The following MGAT4A variants were observed in gnomAD, a reference collection of about 807,000 sequenced individuals.
MGAT4A encodes the protein alpha-1,3-mannosyl-glycoprotein 4-beta-N-acetylglucosaminyltransferase A.
MGAT4A carries 33 observed loss-of-function variants against 74.1 expected under a neutral mutation model. The ratio of observed to expected loss-of-function variants is 0.45; its 90% CI spans 0.34 to 0.60. The LOEUF is 0.60. MGAT4A is among the 20% of genes least tolerant of loss of function. The pLI, the probability that MGAT4A is intolerant of heterozygous loss-of-function variation, is 0.02. For missense variants in MGAT4A, 479 were observed against 628.3 expected (o/e 0.76, Z 2.54); for synonymous variants, 198 against 210.4 (o/e 0.94, Z 0.51).
At chr2:98,637,317 A>AAAT (rs900091912) in intron 12 of MGAT4A, among the ~76,000 whole-genome samples, 11 of 151,244 alleles carry the variant, frequency 7.3e-5, no homozygotes, top group South Asian at 4.2e-4. Flanking sequence ...ACTCATCTCT[A>AAAT]AATAATAATA....
At position 98,718,418 on chromosome 2, in the gene MGAT4A, C is replaced by T. The variant is rs183540022; in HGVS notation, c.94+7821G>A. On this transcript the variant is annotated intron_variant, in intron 2 of 15. Transcript: ENST00000393487. Reference sequence around the variant, plus strand: ...TTGTTTTAAAAACCTCTTAACAGGACCTGAAAACTGTCTCAAGGACAAATA... The same window carrying T: ...TTGTTTTAAAAACCTCTTAACAGGATCTGAAAACTGTCTCAAGGACAAATA... Among the ~76,000 whole-genome samples the T allele has an allele frequency of 6.4e-3, 974 of 152,298 alleles. 15 individuals are homozygous for T. The highest frequency in any genetic ancestry group is 6.1e-3 in the Non-Finnish European group (416 of 68,028).
intron 5 of MGAT4A, among the ~76,000 whole-genome samples, chr2:98,659,589 A>C (rs905739069): frequency 3.3e-5 from 5 of 152,208 alleles, no homozygotes; most frequent in Non-Finnish European, 7.3e-5. Context: ...TAACTGAATC[A>C]TGGGGGCAGT....
intron 2 of MGAT4A, among the ~76,000 whole-genome samples, chr2:98,706,016 G>T (rs1375364551): frequency 6.7e-6 from 1 of 150,224 alleles, no homozygotes; most frequent in Non-Finnish European, 1.5e-5. Context: ...ACACAGCTCA[G>T]TGTGCCCAAA....
intron 2 of MGAT4A, among the ~76,000 whole-genome samples, chr2:98,698,658 C>A (rs1049082532): frequency 1.3e-5 from 2 of 152,122 alleles, no homozygotes; most frequent in Non-Finnish European, 2.9e-5. Context: ...AACTCTCCAA[C>A]ATGATCTCCT....
chr2:98,712,934 G>A (rs188589425), intron 2 of MGAT4A, among the ~76,000 whole-genome samples: 60 of 152,266 alleles, frequency 3.9e-4, no homozygotes, highest in South Asian at 6.2e-4. Flanking sequence ...AGCTGAGGTG[G>A]GAGGATTGCT....
intron 12 of MGAT4A, 60 bp from the exon 13 acceptor site, chr2:98,636,655 G>C: frequency 6.9e-7 from 1 of 1,444,154 alleles, no homozygotes; most frequent in African/African-American, 1.4e-5. Flanking sequence ...AAAGATTCAA[G>C]AAAATGACCT....
chr2:98,684,094 G>A (rs1424143427), intron 2 of MGAT4A, among the ~76,000 whole-genome samples: 1 of 152,102 alleles, frequency 6.6e-6, no homozygotes, highest in Non-Finnish European at 1.5e-5. Flanking sequence ...ATTTTCCCTA[G>A]ACTTTTCTCC....
At chr2:98,662,553 G>T (rs1701767424) in intron 5 of MGAT4A, among the ~76,000 whole-genome samples, 1 of 151,848 alleles carries the variant, frequency 6.6e-6, no homozygotes, top group African/African-American at 2.4e-5. Context: ...TTTACTCTAG[G>T]GTCTTATTCC....
At chr2:98,692,627 C>T (rs887673828) in intron 2 of MGAT4A, among the ~76,000 whole-genome samples, 6 of 152,070 alleles carry the variant, frequency 3.9e-5, no homozygotes, top group Non-Finnish European at 5.9e-5. Context: ...GCCTTTTATA[C>T]GGTATTTTTA....
At chr2:98,703,781 C>T (rs912577188) in intron 2 of MGAT4A, among the ~76,000 whole-genome samples, 2 of 152,162 alleles carry the variant, frequency 1.3e-5, no homozygotes, top group African/African-American at 4.8e-5. Context: ...ATGTGCCACA[C>T]TCATCTGGCC....
intron 2 of MGAT4A, among the ~76,000 whole-genome samples, chr2:98,722,924 T>C (rs1702697827): frequency 6.6e-6 from 1 of 152,134 alleles, no homozygotes; most frequent in African/African-American, 2.4e-5. Context: ...TCAGGAGCCA[T>C]GCTCCTCCTG....
chr2:98,665,968 A>G (rs1189938952), intron 4 of MGAT4A, among the ~76,000 whole-genome samples: 1 of 152,262 alleles, frequency 6.6e-6, no homozygotes, highest in Admixed American at 6.5e-5. Flanking sequence ...TGCATATAAC[A>G]AAGTTTGTTT....
chr2:98,654,606 T>C (rs1318247765), intron 8 of MGAT4A, among the ~76,000 whole-genome samples: 1 of 150,848 alleles, frequency 6.6e-6, no homozygotes, highest in Non-Finnish European at 1.5e-5. Flanking sequence ...ACTGGGGAGG[T>C]GGAAAATTTT....
chr2:98,717,150 C>T (rs1301613838), intron 2 of MGAT4A, among the ~76,000 whole-genome samples: 1 of 152,108 alleles, frequency 6.6e-6, no homozygotes, highest in Non-Finnish European at 1.5e-5. Context: ...GAAGCCGAGG[C>T]GGGCAGATCA....
rs1701062185 is a variant in MGAT4A at position 98,621,630 on chromosome 2, G to C, written c.*3936C>G. ...CTCAAAGTGGGAGGATATTATACAA[G>C]GTCATTGGTGGGGGTGTCAGTAGGG... is the stretch of plus-strand genomic sequence containing the variant. On this transcript the variant is annotated 3_prime_UTR_variant, in exon 16 of 16. Coordinates refer to ENST00000393487, the MANE Select transcript of MGAT4A (RefSeq NM_012214.3). The C allele has an allele frequency of 6.8e-7, 1 of 1,476,532 alleles. No individual in the cohort carries two copies. Among genetic ancestry groups the C allele is most frequent in the Admixed American group, 2.4e-5 (1 of 42,048 alleles). 91.5% of individuals were successfully genotyped at this position (1,476,532 alleles called of 1,614,324 possible).
chr2:98,634,860 G>A, intron 14 of MGAT4A, among the ~76,000 whole-genome samples: 1 of 151,872 alleles, frequency 6.6e-6, no homozygotes, highest in East Asian at 1.9e-4. Context: ...TCTCAACACA[G>A]ATGTGACGCT....
intron 5 of MGAT4A, among the ~76,000 whole-genome samples, chr2:98,660,434 A>G (rs78500278): frequency 1.5e-3 from 72 of 49,518 alleles, no homozygotes; most frequent in African/African-American, 5.5e-3. Flanking sequence ...ACACACACAC[A>G]CACACACACA....
chr2:98,689,789 C>G (rs1029011373), intron 2 of MGAT4A, among the ~76,000 whole-genome samples: 1 of 152,160 alleles, frequency 6.6e-6, no homozygotes, highest in Non-Finnish European at 1.5e-5. Flanking sequence ...TGCCAGTGCA[C>G]TCCAGCCTGG....
At chr2:98,690,419 A>C (rs1702179937) in intron 2 of MGAT4A, among the ~76,000 whole-genome samples, 1 of 152,202 alleles carries the variant, frequency 6.6e-6, no homozygotes, top group South Asian at 2.1e-4. Flanking sequence ...GCACAGCTGG[A>C]AGGAGGAATC....
Sources: allele counts gnomAD v4.1 joint callset (sites outside exome capture counted in the v4.1 genomes callset), GRCh38; gene constraint gnomAD v4.1.1; transcripts MANE v1.5; gene names NCBI Gene and HGNC (gene_info 2026-07-23, HGNC 2026-07-21).